Variants in COMMD1 observed in about 807,000 individuals in gnomAD.
The protein encoded by COMMD1 is copper metabolism domain containing 1, also known as COMM domain-containing protein 1.
In COMMD1, 10 loss-of-function variants were observed where a neutral mutation model predicts 17.2. That is an observed-to-expected ratio of 0.58 (90% confidence interval 0.36 to 0.99). COMMD1 has a LOEUF of 0.99. COMMD1 is among the 50% of genes least tolerant of loss of function. The pLI is 0.01. For missense variants in COMMD1, 270 were observed against 231.8 expected (o/e 1.17, Z -1.07); for synonymous variants, 97 against 91.6 (o/e 1.06, Z -0.34).
At chr2:61,911,061 C>T (rs893824150) in intron 1 of COMMD1, among the ~76,000 whole-genome samples, 2 of 150,074 alleles carry the variant, frequency 1.3e-5, no homozygotes, top group African/African-American at 4.9e-5. Flanking sequence ...CCAGCCTGGG[C>T]AACAAGAGCG....
At chr2:61,959,090 TATAA>T (rs769373748) in intron 1 of COMMD1, among the ~76,000 whole-genome samples, 30 of 152,240 alleles carry the variant, frequency 2.0e-4, no homozygotes, top group Non-Finnish European at 1.2e-4. Context: ...CTCATTTAGT[TATAA>T]ATAGTGACTT....
rs188405671 is a variant in COMMD1, at chr2:62,117,762, C to G, written c.463-18069C>G. Among the ~76,000 whole-genome samples, 9 of 152,218 alleles carry G rather than the reference C, an allele frequency of 5.9e-5. No homozygotes were observed. The East Asian group carries it at 1.7e-3, about 29-fold the overall frequency. ...CTCCCCCTGAATTTGCTAAAGTGTTCCGATTTGTCAGACTTTTCCCACAAT... is the reference window on the plus strand; with the variant it reads ...CTCCCCCTGAATTTGCTAAAGTGTTGCGATTTGTCAGACTTTTCCCACAAT... On this transcript the variant is annotated intron_variant, in intron 2 of 2. Coordinates refer to ENST00000311832, the MANE Select transcript of COMMD1 (RefSeq NM_152516.4).
intron 2 of COMMD1, among the ~76,000 whole-genome samples, chr2:62,082,429 C>A (rs1214662586): frequency 6.6e-6 from 1 of 152,148 alleles, no homozygotes; most frequent in Non-Finnish European, 1.5e-5. Flanking sequence ...CCAGGTTGTC[C>A]CCCACACCTC....
At chr2:62,084,827 G>C (rs544832849) in intron 2 of COMMD1, 5 of 152,234 alleles carry the variant, frequency 3.3e-5, no homozygotes, top group Admixed American at 3.3e-4. Context: ...CATTTAAAGG[G>C]TTGTTTTTTT....
intron 1 of COMMD1, chr2:61,915,809 A>AT (rs1439148512): frequency 2.8e-6 from 1 of 352,834 alleles, no homozygotes; most frequent in African/African-American, 2.2e-5. Flanking sequence ...TATAGCCTTT[A>AT]TTTAACTTAT....
intron 2 of COMMD1, among the ~76,000 whole-genome samples, chr2:62,055,933 T>G (rs890446822): frequency 6.6e-6 from 1 of 152,258 alleles, no homozygotes; most frequent in African/African-American, 2.4e-5. Flanking sequence ...ATGCTTGTTT[T>G]TGTGCACTGT....
chr2:61,949,435 G>A (rs1670994889), intron 1 of COMMD1, among the ~76,000 whole-genome samples: 1 of 152,164 alleles, frequency 6.6e-6, no homozygotes, highest in Admixed American at 6.5e-5. Flanking sequence ...TTCTAACCCA[G>A]CTTCAGAGAG....
At chr2:61,973,206 G>A (rs970495145) in intron 1 of COMMD1, among the ~76,000 whole-genome samples, 1 of 152,068 alleles carries the variant, frequency 6.6e-6, no homozygotes, top group Non-Finnish European at 1.5e-5. Context: ...CAACATTGCT[G>A]CAATAACCAT....
chr2:62,010,721 G>T (rs1000270111), intron 2 of COMMD1, among the ~76,000 whole-genome samples: 2 of 151,704 alleles, frequency 1.3e-5, no homozygotes, highest in Non-Finnish European at 2.9e-5. Flanking sequence ...ATCAAATCTT[G>T]CTGGGTCTGT....
intron 1 of COMMD1, among the ~76,000 whole-genome samples, chr2:61,899,196 C>T (rs1338967609): frequency 6.6e-6 from 1 of 152,064 alleles, no homozygotes; most frequent in African/African-American, 2.4e-5. Flanking sequence ...CTGATTCTTC[C>T]CCTTTTCTTC....
At chr2:62,131,323 G>GTAAAGTAAAAAGTAAAGTAAAGTAAAGTA (rs1431922423) in intron 2 of COMMD1, among the ~76,000 whole-genome samples, 1 of 152,126 alleles carries the variant, frequency 6.6e-6, no homozygotes, top group African/African-American at 2.4e-5. Flanking sequence ...ATCCTTTACT[G>GTAAAGTAAAAAGTAAAGTAAAGTAAAGTA]AAAAGAAGCT....
intron 2 of COMMD1, among the ~76,000 whole-genome samples, chr2:62,045,788 A>G (rs1170887674): frequency 3.2e-5 from 4 of 123,092 alleles, no homozygotes; most frequent in Admixed American, 1.1e-4. Flanking sequence ...CCCAGGCTGG[A>G]GTGCAGTGGC....
At chr2:62,126,608 A>G in intron 2 of COMMD1, among the ~76,000 whole-genome samples, 1 of 152,106 alleles carries the variant, frequency 6.6e-6, no homozygotes, top group East Asian at 1.9e-4. Context: ...CCACTTTTTA[A>G]TGGGTTTTTT....
At chr2:62,041,791 G>A (rs906557147) in intron 2 of COMMD1, among the ~76,000 whole-genome samples, 8 of 152,222 alleles carry the variant, frequency 5.3e-5, no homozygotes, top group African/African-American at 9.6e-5. Flanking sequence ...AGATGTGTCC[G>A]GAGTTTCTTC....
chr2:62,019,254 A>G (rs958993257), intron 2 of COMMD1, among the ~76,000 whole-genome samples: 1 of 150,488 alleles, frequency 6.6e-6, no homozygotes, highest in Non-Finnish European at 1.5e-5. Flanking sequence ...GCTCACTACA[A>G]CCTCTGCCTC....
intron 2 of COMMD1, among the ~76,000 whole-genome samples, chr2:62,061,530 T>C (rs2103940087): frequency 6.6e-6 from 1 of 152,002 alleles, no homozygotes; most frequent in South Asian, 2.1e-4. Context: ...TGTGGGTTTA[T>C]GTGTGGCTGT....
chr2:61,979,573 T>G (rs920648494), intron 1 of COMMD1, among the ~76,000 whole-genome samples: 7 of 152,148 alleles, frequency 4.6e-5, no homozygotes, highest in African/African-American at 1.7e-4. Flanking sequence ...CGAAGAGATA[T>G]CTGCACTCCC....
intron 2 of COMMD1, among the ~76,000 whole-genome samples, chr2:62,029,618 A>G (rs1290595371): frequency 1.3e-5 from 2 of 152,220 alleles, no homozygotes; most frequent in Non-Finnish European, 2.9e-5. Context: ...ATATATAACC[A>G]TGATATAGTA....
At chr2:61,949,141 G>A (rs566041544) in intron 1 of COMMD1, among the ~76,000 whole-genome samples, 2 of 152,298 alleles carry the variant, frequency 1.3e-5, no homozygotes, top group East Asian at 3.9e-4. Context: ...AGCCATTGAA[G>A]TTCTAAATTA....
Sources: gnomAD v4.1 joint callset for allele counts (sites outside exome capture counted in the v4.1 genomes callset) on GRCh38, gnomAD v4.1.1 for gene constraint, MANE v1.5 for transcripts, NCBI Gene and HGNC (gene_info 2026-07-23, HGNC 2026-07-21) for gene names.